Variants in CDYL2 observed in about 807,000 individuals in gnomAD.
CDYL2 encodes the protein chromodomain Y like 2.
CDYL2 carries 23 observed loss-of-function variants against 49.4 expected under a neutral mutation model. The ratio of observed to expected loss-of-function variants is 0.47; its 90% CI spans 0.34 to 0.66. CDYL2 has a LOEUF of 0.66. CDYL2 is among the 30% of genes least tolerant of loss of function. The pLI is 0.01. For synonymous variants in CDYL2, 360 were observed against 268.8 expected, an observed-to-expected ratio of 1.34 and a Z score of -3.32; for missense variants, 678 against 656.4, an observed-to-expected ratio of 1.03 and a Z score of -0.36.
At chr16:80,667,851 C>T (rs1362765300) in intron 2 of CDYL2, among the ~76,000 whole-genome samples, 2 of 152,186 alleles carry the variant, frequency 1.3e-5, no homozygotes, top group Admixed American at 1.3e-4. Context: ...TGAATATCTG[C>T]ATCTTATAAA....
intron 2 of CDYL2, among the ~76,000 whole-genome samples, chr16:80,671,896 A>C (rs1326423929): frequency 1.3e-5 from 2 of 152,258 alleles, no homozygotes; most frequent in African/African-American, 2.4e-5. Flanking sequence ...AAGAAAACCA[A>C]AGATGTTTAG....
intron 1 of CDYL2, among the ~76,000 whole-genome samples, chr16:80,702,323 G>A (rs887882726): frequency 6.6e-6 from 1 of 151,730 alleles, no homozygotes; most frequent in Non-Finnish European, 1.5e-5. Flanking sequence ...AGAAAAGCAC[G>A]TTCTGCACAT....
intron 1 of CDYL2, chr16:80,736,420 G>A (rs1320786395): frequency 2.0e-5 from 3 of 152,146 alleles, no homozygotes; most frequent in Admixed American, 6.6e-5. Flanking sequence ...TTTAATTTAC[G>A]AAGCCCTTAT....
Position 80,604,516 on chromosome 16 carries a change from T to C in CDYL2, c.1393A>G (p.Ser465Gly). ...TCTTCCAGCACTGATTTCAGGAAGC[T>C]CCGCACGAGGCATTTGGACTCCTCT... Reference protein sequence around the residue: ...VLEESKCLVRSFLKSVLEDVN... With the variant: ...VLEESKCLVRGFLKSVLEDVN... Residue 465 changes from serine (S) to glycine (G), a missense_variant, in exon 7 of 7, where the codon AGC becomes GGC. By Grantham distance (56) the Ser-to-Gly change is moderately conservative. Around this residue, in one of 3 missense-constraint regions of CDYL2, gnomAD observed 153 missense variants for 150.6 expected, o/e 1.02. Coordinates refer to ENST00000570137, the MANE Select transcript of CDYL2 (RefSeq NM_152342.4). The C allele has an allele frequency of 6.2e-7, 1 of 1,614,138 alleles. No homozygotes were observed. The highest frequency in any genetic ancestry group is 1.1e-5 in the South Asian group (1 of 91,080).
chr16:80,669,995 G>C (rs1035147068), intron 2 of CDYL2, among the ~76,000 whole-genome samples: 1 of 152,212 alleles, frequency 6.6e-6, no homozygotes, highest in Non-Finnish European at 1.5e-5. Flanking sequence ...CTCTGCCTAA[G>C]TCTGCCTAAG....
chr16:80,760,847 T>C (rs1219791251), intron 1 of CDYL2, among the ~76,000 whole-genome samples: 1 of 151,736 alleles, frequency 6.6e-6, no homozygotes, highest in Non-Finnish European at 1.5e-5. Flanking sequence ...ATTCTTGAAA[T>C]CATAGAAACT....
At chr16:80,619,480 A>G (rs1369856875) in intron 4 of CDYL2, among the ~76,000 whole-genome samples, 1 of 152,222 alleles carries the variant, frequency 6.6e-6, no homozygotes, top group Non-Finnish European at 1.5e-5. Context: ...GATAAAGACC[A>G]TGATTGACGC....
intron 2 of CDYL2, 151 bp downstream of exon 2, chr16:80,684,387 A>G (rs1293967433): frequency 2.7e-6 from 2 of 734,514 alleles, no homozygotes; most frequent in Non-Finnish European, 4.4e-6. Context: ...CGAGTCCACA[A>G]AGCTCTAGGT....
intron 1 of CDYL2, among the ~76,000 whole-genome samples, chr16:80,797,166 C>G (rs935042839): frequency 6.6e-6 from 1 of 152,136 alleles, no homozygotes; most frequent in Non-Finnish European, 1.5e-5. Flanking sequence ...ATCCCTATCG[C>G]CATGTCAAAT....
At chr16:80,737,665 G>A (rs542766540) in intron 1 of CDYL2, among the ~76,000 whole-genome samples, 2 of 152,266 alleles carry the variant, frequency 1.3e-5, no homozygotes, top group South Asian at 4.1e-4. Context: ...GTGTGCATCA[G>A]GATCAGGTGA....
chr16:80,632,983 C>G, intron 3 of CDYL2, 36 bp downstream of exon 3: 2 of 1,588,476 alleles, frequency 1.3e-6, no homozygotes, highest in Admixed American at 1.7e-5. Flanking sequence ...GGAGCCACAG[C>G]CCAGCTTGCC....
At chr16:80,621,392 C>A (rs1372111859) in intron 3 of CDYL2, among the ~76,000 whole-genome samples, 1 of 152,248 alleles carries the variant, frequency 6.6e-6, no homozygotes, top group Non-Finnish European at 1.5e-5. Context: ...CAGCTCATAC[C>A]CCGCACGGCC....
chr16:80,731,744 C>T (rs1003999221), intron 1 of CDYL2, among the ~76,000 whole-genome samples: 3 of 152,096 alleles, frequency 2.0e-5, no homozygotes, highest in African/African-American at 7.2e-5. Flanking sequence ...AATCATCAAT[C>T]AGATGGGAAA....
At chr16:80,720,472 T>C (rs1904960545) in intron 1 of CDYL2, among the ~76,000 whole-genome samples, 1 of 152,222 alleles carries the variant, frequency 6.6e-6, no homozygotes, top group South Asian at 2.1e-4. Flanking sequence ...TCAGTGTCAT[T>C]TGACTCCAAC....
intron 3 of CDYL2, among the ~76,000 whole-genome samples, chr16:80,627,202 G>A (rs896525133): frequency 1.3e-5 from 2 of 152,006 alleles, no homozygotes; most frequent in African/African-American, 4.8e-5. Flanking sequence ...AAGCTCACAG[G>A]CCACTATCTT....
At chr16:80,801,227 T>C (rs1208663076) in intron 1 of CDYL2, among the ~76,000 whole-genome samples, 3 of 152,306 alleles carry the variant, frequency 2.0e-5, no homozygotes, top group Non-Finnish European at 4.4e-5. Flanking sequence ...ATGGCTACAA[T>C]GCACCAGAAG....
intron 1 of CDYL2, among the ~76,000 whole-genome samples, chr16:80,749,781 G>A (rs942305730): frequency 1.3e-5 from 2 of 152,094 alleles, no homozygotes; most frequent in African/African-American, 4.8e-5. Flanking sequence ...AAAGACACAT[G>A]CACACATATG....
At chr16:80,696,154 T>A (rs772833664) in intron 1 of CDYL2, among the ~76,000 whole-genome samples, 57 of 152,088 alleles carry the variant, frequency 3.7e-4, no homozygotes, top group Non-Finnish European at 7.2e-4. Flanking sequence ...AACCAATGAG[T>A]CAGTGAAGAA....
At chr16:80,609,282 C>A (rs938098306) in intron 5 of CDYL2, among the ~76,000 whole-genome samples, 4 of 152,146 alleles carry the variant, frequency 2.6e-5, no homozygotes, top group African/African-American at 9.7e-5. Flanking sequence ...TGATAGGGTC[C>A]GCACGGCCGG....
Sources: gnomAD v4.1 joint callset for allele counts (sites outside exome capture counted in the v4.1 genomes callset) on GRCh38, gnomAD v4.1.1 for gene constraint, gnomAD v4.1.1 regional missense constraint, MANE v1.5 for transcripts, NCBI Gene and HGNC (gene_info 2026-07-23, HGNC 2026-07-21) for gene names.